Variants in TAFA1 observed in about 807,000 individuals in gnomAD.
The protein encoded by TAFA1 is chemokine-like protein TAFA-1.
TAFA1 carries 4 observed loss-of-function variants against 18.5 expected under a neutral mutation model. The ratio of observed to expected loss-of-function variants is 0.22; its 90% confidence interval spans 0.11 to 0.49. TAFA1 has a LOEUF of 0.49. Ranked by LOEUF, TAFA1 falls within the 20% of genes least tolerant of loss-of-function variation. The pLI is 0.98. For missense variants in TAFA1, 147 were observed against 169.0 expected (o/e 0.87, Z 0.72); for synonymous variants, 56 against 55.2 (o/e 1.01, Z -0.06).
At chr3:68,062,164 C>G (rs1207989617) in intron 2 of TAFA1, among the ~76,000 whole-genome samples, 1 of 151,864 alleles carries the variant, frequency 6.6e-6, no homozygotes, top group Non-Finnish European at 1.5e-5. Context: ...TAAGTAGTCT[C>G]AAACCAAGCT....
At chr3:68,094,343 G>T (rs2065062634) in intron 2 of TAFA1, among the ~76,000 whole-genome samples, 1 of 151,970 alleles carries the variant, frequency 6.6e-6, no homozygotes, top group Non-Finnish European at 1.5e-5. Context: ...GTTACTTACT[G>T]TCTCACTTCC....
chr3:68,417,706 A>T, intron 3 of TAFA1: 1 of 304,336 alleles, frequency 3.3e-6, no homozygotes, highest in South Asian at 5.9e-5. Context: ...GTATTAGTCC[A>T]TTCTCACACT....
At chr3:68,295,985 A>T (rs901348500) in intron 2 of TAFA1, among the ~76,000 whole-genome samples, 1 of 151,868 alleles carries the variant, frequency 6.6e-6, no homozygotes, top group African/African-American at 2.4e-5. Flanking sequence ...GATGAAAACA[A>T]AATCATGTTA....
chr3:68,244,059 A>G (rs1358408225), intron 2 of TAFA1, among the ~76,000 whole-genome samples: 2 of 152,110 alleles, frequency 1.3e-5, no homozygotes, highest in Non-Finnish European at 2.9e-5. Flanking sequence ...ATCTTTTCGT[A>G]TGCTTGGTTG....
At chr3:68,273,589 C>A (rs2067719719) in intron 2 of TAFA1, among the ~76,000 whole-genome samples, 1 of 152,090 alleles carries the variant, frequency 6.6e-6, no homozygotes, top group Non-Finnish European at 1.5e-5. Flanking sequence ...CAGATGGATG[C>A]CCACATTTTA....
intron 2 of TAFA1, among the ~76,000 whole-genome samples, chr3:68,248,824 T>G (rs991629232): frequency 1.3e-5 from 2 of 151,994 alleles, no homozygotes; most frequent in Non-Finnish European, 2.9e-5. Context: ...GTAAAAATGC[T>G]GTATAAACTG....
At chr3:68,281,374 A>C (rs766859694) in intron 2 of TAFA1, among the ~76,000 whole-genome samples, 98 of 152,150 alleles carry the variant, frequency 6.4e-4, no homozygotes, top group Non-Finnish European at 1.1e-3. Context: ...TGTTTTAAAA[A>C]TCAGGACTGC....
intron 2 of TAFA1, among the ~76,000 whole-genome samples, chr3:68,237,988 A>T (rs74570465): frequency 5.6e-5 from 8 of 143,054 alleles, no homozygotes; most frequent in African/African-American, 2.0e-4. Context: ...GCTTTTTGTT[A>T]TTTTTTTTTT....
intron 2 of TAFA1, among the ~76,000 whole-genome samples, chr3:68,252,785 C>T (rs557788910): frequency 2.6e-5 from 4 of 152,290 alleles, no homozygotes; most frequent in Admixed American, 6.5e-5. Flanking sequence ...AGTGTCCCCA[C>T]CCAAATCTCA....
At chr3:68,115,387 T>C (rs9873459) in intron 2 of TAFA1, among the ~76,000 whole-genome samples, 54,079 of 152,034 alleles carry the variant, frequency 0.36, 10,039 homozygotes, top group East Asian at 0.49. Context: ...CTATGTCATC[T>C]GTGAAGCAAA....
rs557416052 is a variant in TAFA1 at position 68,545,316 on chromosome 3, T to C, written c.*813T>C. On this transcript the variant is annotated 3_prime_UTR_variant, in exon 5 of 5. Coordinates refer to ENST00000478136, the MANE Select transcript of TAFA1 (RefSeq NM_213609.4). ...TGCTATTAAGACTCTGGCAGAGTTATGGGTAGGATATGGATCCCTACATGA... is the reference window on the plus strand; with the variant it reads ...TGCTATTAAGACTCTGGCAGAGTTACGGGTAGGATATGGATCCCTACATGA... 1.3e-5 allele frequency: 2 copies of C among 152,720 alleles called. No individual in the cohort carries two copies. Among genetic ancestry groups the C allele is most frequent in the South Asian group, 2.1e-4 (1 of 4,828 alleles). 9.5% of individuals were successfully genotyped at this position (152,720 alleles called of 1,614,324 possible). A position where few individuals can be genotyped will look rare whatever the true frequency, so the allele number is the denominator to read the frequency against.
chr3:68,470,907 C>G (rs1450213097), intron 3 of TAFA1, among the ~76,000 whole-genome samples: 1 of 152,208 alleles, frequency 6.6e-6, no homozygotes, highest in East Asian at 1.9e-4. Context: ...CAGGTCATGT[C>G]TGAGACCCTT....
intron 2 of TAFA1, among the ~76,000 whole-genome samples, chr3:68,052,127 C>A (rs1158074051): frequency 6.6e-6 from 1 of 152,082 alleles, no homozygotes; most frequent in East Asian, 1.9e-4. Flanking sequence ...AATGGAATAT[C>A]CCCATTCAAA....
chr3:68,508,479 AC>A (rs1205866223), intron 3 of TAFA1, among the ~76,000 whole-genome samples: 1 of 144,358 alleles, frequency 6.9e-6, no homozygotes, highest in African/African-American at 2.5e-5. Context: ...TGCTGTGGAT[AC>A]TGTTAGTTTT....
intron 2 of TAFA1, among the ~76,000 whole-genome samples, chr3:68,383,521 G>C (rs1019413995): frequency 2.0e-5 from 3 of 152,114 alleles, no homozygotes; most frequent in Non-Finnish European, 4.4e-5. Context: ...TTGCATTCCA[G>C]GGGTGAAGCC....
At chr3:68,254,115 ATG>A in intron 2 of TAFA1, among the ~76,000 whole-genome samples, 1 of 131,176 alleles carries the variant, frequency 7.6e-6, no homozygotes, top group East Asian at 2.8e-4. Flanking sequence ...CTATGTATGT[ATG>A]TATGTATGTA....
chr3:68,273,823 C>G (rs966469286), intron 2 of TAFA1, among the ~76,000 whole-genome samples: 10 of 152,280 alleles, frequency 6.6e-5, no homozygotes, highest in Non-Finnish European at 1.5e-4. Flanking sequence ...GTGTGACTGA[C>G]ACCAAATTCC....
intron 2 of TAFA1, among the ~76,000 whole-genome samples, chr3:68,024,372 T>C (rs1704766507): frequency 6.6e-6 from 1 of 152,096 alleles, no homozygotes; most frequent in Non-Finnish European, 1.5e-5. Context: ...GTGACTTATT[T>C]TCAAACCCTA....
At chr3:68,542,762 T>C (rs1349995644) in intron 4 of TAFA1, among the ~76,000 whole-genome samples, 1 of 152,068 alleles carries the variant, frequency 6.6e-6, no homozygotes, top group Admixed American at 6.6e-5. Context: ...AAGAGACAAA[T>C]GGTGGTTACA....
Sources: allele counts gnomAD v4.1 joint callset (sites outside exome capture counted in the v4.1 genomes callset), GRCh38; gene constraint gnomAD v4.1.1; transcripts MANE v1.5; gene names NCBI Gene and HGNC (gene_info 2026-07-23, HGNC 2026-07-21).